The following DIS3L2 variants were observed in gnomAD, a reference collection of about 807,000 sequenced individuals.
DIS3L2 encodes the protein DIS3-like exonuclease 2.
Under a neutral mutation model 97.5 loss-of-function variants are expected in DIS3L2, and 34 were observed. The observed-to-expected ratio is 0.35, with a 90% CI of 0.27 to 0.46. The LOEUF (loss-of-function observed/expected upper bound fraction) is 0.46. Ranked by LOEUF, DIS3L2 falls within the 20% of genes least tolerant of loss-of-function variation. The pLI is 1.00. For synonymous variants in DIS3L2, 435 were observed against 445.2 expected (o/e 0.98, Z 0.29); for missense variants, 1,038 against 1,146.0 (o/e 0.91, Z 1.36).
intron 8 of DIS3L2, among the ~76,000 whole-genome samples, chr2:232,137,218 G>A (rs1236806391): frequency 6.6e-6 from 1 of 152,162 alleles, no homozygotes; most frequent in Non-Finnish European, 1.5e-5. Context: ...AAGGAAAAGG[G>A]TATCATGTTT....
chr2:232,145,229 T>TA (rs1335742747), intron 8 of DIS3L2, among the ~76,000 whole-genome samples: 1 of 152,206 alleles, frequency 6.6e-6, no homozygotes, highest in Non-Finnish European at 1.5e-5. Flanking sequence ...ATATGGAAAT[T>TA]ATCTTCTCTC....
chr2:232,251,978 G>A (rs537858204), intron 12 of DIS3L2, among the ~76,000 whole-genome samples: 27 of 129,636 alleles, frequency 2.1e-4, no homozygotes, highest in African/African-American at 6.8e-4. Context: ...GACATGGGAC[G>A]CAGGAAGCAG....
chr2:232,076,987 C>T (rs578221321), intron 5 of DIS3L2, among the ~76,000 whole-genome samples: 1 of 152,318 alleles, frequency 6.6e-6, no homozygotes, highest in South Asian at 2.1e-4. Flanking sequence ...AAAATGCTGA[C>T]ATCATGCTAT....
Position 231,997,873 on chromosome 2 carries a change from G to A in DIS3L2, c.-93-16962G>A, listed in dbSNP as rs370797248. On this transcript the variant is annotated intron_variant, in intron 1 of 20. Transcript: ENST00000325385. ...ACATTATGCAGTTATTAGAATCAGGGAATTAACATTGATATACCATTAGCC... is the reference window on the plus strand; with the variant it reads ...ACATTATGCAGTTATTAGAATCAGGAAATTAACATTGATATACCATTAGCC... 1.3e-5 allele frequency among the ~76,000 whole-genome samples: 2 copies of A among 152,040 alleles called. 1 individual carries two copies. Among genetic ancestry groups the A allele is most frequent in the Admixed American group, 1.3e-4 (2 of 15,256 alleles).
intron 5 of DIS3L2, among the ~76,000 whole-genome samples, chr2:232,077,319 G>C (rs1696224239): frequency 1.3e-5 from 2 of 149,726 alleles, no homozygotes; most frequent in African/African-American, 4.9e-5. Flanking sequence ...AAAAAAAACA[G>C]TAGATAGATT....
intron 13 of DIS3L2, among the ~76,000 whole-genome samples, chr2:232,270,042 C>T (rs1430588812): frequency 2.0e-5 from 3 of 151,916 alleles, no homozygotes; most frequent in South Asian, 4.2e-4. Flanking sequence ...TGATTAGATG[C>T]GGAGGGGAGG....
intron 10 of DIS3L2, among the ~76,000 whole-genome samples, chr2:232,221,186 T>C (rs368597298): frequency 6.6e-6 from 1 of 151,740 alleles, no homozygotes; most frequent in East Asian, 1.9e-4. Context: ...ATGGAGATAA[T>C]GCCAAGGGAC....
In DIS3L2 at chr2:232,004,493, G is replaced by T. The variant is rs528220074; in HGVS notation, c.-93-10342G>T. On this transcript the variant is annotated intron_variant, in intron 1 of 20. Transcript: ENST00000325385. ...TGTTGATAAAGTTTAAACTCCTTGA[G>T]TGTTTATTCTTTTACCTCTATTTTG... Among the ~76,000 whole-genome samples, 51 of 151,690 alleles carry T rather than the reference G, an allele frequency of 3.4e-4. 1 individual carries two copies. Among genetic ancestry groups the T allele is most frequent in the Admixed American group, 3.3e-3 (51 of 15,244 alleles).
At chr2:232,149,348 T>A (rs1353950573) in intron 8 of DIS3L2, among the ~76,000 whole-genome samples, 1 of 66,700 alleles carries the variant, frequency 1.5e-5, no homozygotes. Flanking sequence ...CCCTCCCCCC[T>A]CCCCCGACCC....
intron 6 of DIS3L2, among the ~76,000 whole-genome samples, chr2:232,122,713 A>C (rs889028567): frequency 6.7e-6 from 1 of 149,828 alleles, no homozygotes; most frequent in East Asian, 1.9e-4. Context: ...GCAAGACTCC[A>C]TCTCAAAAAC....
intron 5 of DIS3L2, among the ~76,000 whole-genome samples, chr2:232,068,849 C>A (rs7586296): frequency 0.013 from 2,001 of 152,016 alleles, 52 homozygotes; most frequent in African/African-American, 0.046. Flanking sequence ...GAGACAGTCT[C>A]ACTCTGTCAG....
At chr2:232,343,563 G>C in exon 14 of DIS3L2, 1 of 1,572,794 alleles carries the variant, frequency 6.4e-7, no homozygotes, top group Non-Finnish European at 8.6e-7. Context: ...AGACAACCCA[G>C]TTGCAGATTT....
chr2:232,148,704 G>A (rs74654798), intron 8 of DIS3L2, among the ~76,000 whole-genome samples: 1,515 of 140,948 alleles, frequency 0.011, 30 homozygotes, highest in African/African-American at 0.037. Flanking sequence ...ACTTTACAAA[G>A]CTCCAAAAAA....
In DIS3L2 at chr2:231,968,183, C is replaced by T. The variant is rs544270456; in HGVS notation, c.-94+6418C>T. Among the ~76,000 whole-genome samples, 34 of 150,492 alleles carry T rather than the reference C, an allele frequency of 2.3e-4. 1 individual carries two copies. The South Asian group carries it at 5.7e-3, about 25-fold the overall frequency. On this transcript the variant is annotated intron_variant, in intron 1 of 20. Coordinates refer to ENST00000325385, the MANE Select transcript of DIS3L2 (RefSeq NM_152383.5). ...CATGATCTTGGCTCACTGCAAGCTT[C>T]GCCTCCCAGGTTCATACCATTCTCC...
At chr2:232,100,852 A>G (rs2106323498) in intron 6 of DIS3L2, among the ~76,000 whole-genome samples, 1 of 150,380 alleles carries the variant, frequency 6.6e-6, no homozygotes, top group South Asian at 2.1e-4. Flanking sequence ...CACAAATTTG[A>G]TTTATAATTA....
At chr2:232,297,648 A>G (rs1694753811) in intron 13 of DIS3L2, among the ~76,000 whole-genome samples, 1 of 151,878 alleles carries the variant, frequency 6.6e-6, no homozygotes, top group Non-Finnish European at 1.5e-5. Flanking sequence ...ATCACCTGGA[A>G]CCTCTCAGCT....
chr2:232,168,165 G>C (rs1239050758), intron 9 of DIS3L2, among the ~76,000 whole-genome samples: 1 of 152,128 alleles, frequency 6.6e-6, no homozygotes, highest in East Asian at 1.9e-4. Context: ...AACAATGGAA[G>C]TATTTCAAAA....
chr2:232,317,243 G>A (rs1695302028), intron 14 of DIS3L2, among the ~76,000 whole-genome samples: 1 of 152,238 alleles, frequency 6.6e-6, no homozygotes, highest in Non-Finnish European at 1.5e-5. Context: ...GGGTTGGGAG[G>A]TAGGGGAGTG....
intron 19 of DIS3L2, chr2:232,334,988 C>G: frequency 2.0e-6 from 1 of 497,946 alleles, no homozygotes. Flanking sequence ...CAGTACAGCT[C>G]GGCAGGGTGT....
Sources: gnomAD v4.1 joint callset for allele counts (sites outside exome capture counted in the v4.1 genomes callset) on GRCh38, gnomAD v4.1.1 for gene constraint, MANE v1.5 for transcripts, NCBI Gene and HGNC (gene_info 2026-07-23, HGNC 2026-07-21) for gene names.